The following CPE variants were observed in gnomAD, a reference collection of about 807,000 sequenced individuals.
The protein encoded by CPE is carboxypeptidase E.
Under a neutral mutation model 53.5 loss-of-function variants are expected in CPE, and 17 were observed. The ratio of observed to expected loss-of-function variants is 0.32; its 90% CI spans 0.22 to 0.48. The LOEUF is 0.48. Ranked by LOEUF, CPE falls within the 20% of genes least tolerant of loss-of-function variation. The pLI is 0.99. For missense variants in CPE, 524 were observed against 614.7 expected (o/e 0.85, Z 1.56); for synonymous variants, 226 against 228.8 (o/e 0.99, Z 0.11).
intron 8 of CPE, among the ~76,000 whole-genome samples, chr4:165,497,200 G>A (rs1419058200): frequency 6.6e-6 from 1 of 152,180 alleles, no homozygotes; most frequent in East Asian, 1.9e-4. Context: ...GATTACAGAC[G>A]TGAGCCACCG....
At chr4:165,382,195 T>C (rs1730514646) in intron 1 of CPE, among the ~76,000 whole-genome samples, 1 of 152,078 alleles carries the variant, frequency 6.6e-6, no homozygotes, top group Non-Finnish European at 1.5e-5. Context: ...TATTGAAGAA[T>C]TGATGACAAA....
rs895144839 is a variant in CPE, at chr4:165,452,984, C to CT, written c.308-11396dup. On this transcript the variant is annotated intron_variant, in intron 1 of 8. Transcript: ENST00000402744. Reference sequence around the variant, plus strand: ...TAAGTCAGCACAATTTTCTTTCTTTCTTTTTTTTTTGAGATGGAGTCTCAC... The same window carrying CT: ...TAAGTCAGCACAATTTTCTTTCTTTCTTTTTTTTTTTGAGATGGAGTCTCAC... 1.4e-4 allele frequency among the ~76,000 whole-genome samples: 21 copies of CT among 149,606 alleles called. 1 individual carries two copies. Among genetic ancestry groups the CT allele is most frequent in the South Asian group, 6.4e-4 (3 of 4,710 alleles).
chr4:165,391,470 T>C (rs1477387428), intron 1 of CPE, among the ~76,000 whole-genome samples: 1 of 152,092 alleles, frequency 6.6e-6, no homozygotes, highest in Non-Finnish European at 1.5e-5. Context: ...GAATACTTTA[T>C]TATCAAAAAG....
chr4:165,469,284 C>A (rs1732159120), intron 3 of CPE, among the ~76,000 whole-genome samples: 1 of 152,140 alleles, frequency 6.6e-6, no homozygotes, highest in South Asian at 2.1e-4. Context: ...CTCTATTGTT[C>A]TGGGTATTTC....
intron 1 of CPE, among the ~76,000 whole-genome samples, chr4:165,396,886 CA>C (rs34670477): frequency 0.031 from 3,810 of 124,902 alleles, 160 homozygotes; most frequent in African/African-American, 0.1. Flanking sequence ...CCTGTCGCCA[CA>C]AAAAAAAAAA....
intron 6 of CPE, 139 bp downstream of exon 6, chr4:165,487,716 T>C (rs1319463918): frequency 2.1e-6 from 2 of 959,290 alleles, no homozygotes; most frequent in Non-Finnish European, 3.0e-6. Context: ...GTGTCAGCAG[T>C]GTTTCAGTTA....
chr4:165,424,386 T>C (rs1208729296), intron 1 of CPE, among the ~76,000 whole-genome samples: 1 of 143,008 alleles, frequency 7.0e-6, no homozygotes, highest in African/African-American at 2.6e-5. Flanking sequence ...TTTTTTCTTT[T>C]GATAGGAAAA....
intron 1 of CPE, among the ~76,000 whole-genome samples, chr4:165,443,268 T>C (rs1731645552): frequency 6.6e-6 from 1 of 152,172 alleles, no homozygotes; most frequent in African/African-American, 2.4e-5. Context: ...CTCTGTCTCC[T>C]CTCCTTCTCA....
At chr4:165,434,946 A>T (rs867404052) in intron 1 of CPE, among the ~76,000 whole-genome samples, 6 of 151,770 alleles carry the variant, frequency 4.0e-5, no homozygotes, top group African/African-American at 1.5e-4. Context: ...ACCTGTTGTT[A>T]AAAAAAAGCC....
chr4:165,485,149 C>T (rs1366759291), intron 5 of CPE, among the ~76,000 whole-genome samples: 1 of 152,106 alleles, frequency 6.6e-6, no homozygotes, highest in Non-Finnish European at 1.5e-5. Context: ...AAGCAGTTGC[C>T]ATGTGGGACA....
In CPE at chr4:165,463,226, C is replaced by A. The variant is rs547409428; in HGVS notation, c.308-1164C>A. Among the ~76,000 whole-genome samples the A allele has an allele frequency of 4.6e-5, 7 of 152,216 alleles. No individual in the cohort carries two copies. The East Asian group carries it at 1.4e-3, about 29-fold the overall frequency. On this transcript the variant is annotated intron_variant, in intron 1 of 8. Coordinates refer to ENST00000402744, the MANE Select transcript of CPE (RefSeq NM_001873.4). ...GGATAATAAAAATACATGCCTTACACATTTTAGTGGGCTGTTGTGAAGAGA... is the reference window on the plus strand; with the variant it reads ...GGATAATAAAAATACATGCCTTACAAATTTTAGTGGGCTGTTGTGAAGAGA...
intron 1 of CPE, among the ~76,000 whole-genome samples, chr4:165,390,282 A>G (rs1477481464): frequency 6.6e-6 from 1 of 152,116 alleles, no homozygotes; most frequent in Non-Finnish European, 1.5e-5. Context: ...GGTGTTTTCT[A>G]TATTGAGCCC....
chr4:165,477,893 T>C (rs1732331646), intron 3 of CPE, among the ~76,000 whole-genome samples: 1 of 152,118 alleles, frequency 6.6e-6, no homozygotes, highest in South Asian at 2.1e-4. Context: ...CTCTCCTTGT[T>C]CTTCTGAACT....
intron 3 of CPE, among the ~76,000 whole-genome samples, chr4:165,473,398 G>A (rs908287934): frequency 1.4e-4 from 21 of 152,312 alleles, no homozygotes; most frequent in Middle Eastern, 3.4e-3. Flanking sequence ...AGGAAGTTAA[G>A]GTTTGTACTG....
At chr4:165,385,608 G>A (rs896910401) in intron 1 of CPE, among the ~76,000 whole-genome samples, 1 of 151,642 alleles carries the variant, frequency 6.6e-6, no homozygotes, top group Admixed American at 6.6e-5. Flanking sequence ...CACCCTGCCT[G>A]TTTGCCTTTT....
At chr4:165,442,023 G>GTTTTTTTTTTTTTTTTT (rs11415472) in intron 1 of CPE, among the ~76,000 whole-genome samples, 14 of 107,462 alleles carry the variant, frequency 1.3e-4, no homozygotes, top group Non-Finnish European at 2.0e-4. Flanking sequence ...CGGTGAGTTT[G>GTTTTTTTTTTTTTTTTT]TTTTTTTTTT....
intron 1 of CPE, chr4:165,405,264 G>C (rs1730934664): frequency 1.1e-6 from 1 of 928,194 alleles, no homozygotes; most frequent in Admixed American, 1.7e-5. Flanking sequence ...CCTGCACCAG[G>C]AATAGCCAGA....
chr4:165,386,222 A>G (rs1730589321), intron 1 of CPE: 1 of 521,322 alleles, frequency 1.9e-6, no homozygotes, highest in Non-Finnish European at 3.9e-6. Flanking sequence ...TCATTATGGT[A>G]TTTCCCACTG....
rs141823562 is a variant in CPE at position 165,440,973 on chromosome 4, A to T, written c.308-23417A>T. Among the ~76,000 whole-genome samples the T allele has an allele frequency of 5.0e-3, 769 of 152,294 alleles. 7 individuals carry two copies. The highest frequency in any genetic ancestry group is 0.017 in the African/African-American group (721 of 41,568). The stretch of plus-strand genomic sequence containing the variant: ...AAAGTATAAAAACGCTATTGCATCA[A>T]TGGAAATGCAGATGTCACTGGGTGG... On this transcript the variant is annotated intron_variant, in intron 1 of 8. Coordinates refer to ENST00000402744, the MANE Select transcript of CPE (RefSeq NM_001873.4).
Sources: allele counts gnomAD v4.1 joint callset (sites outside exome capture counted in the v4.1 genomes callset), GRCh38; gene constraint gnomAD v4.1.1; transcripts MANE v1.5; gene names NCBI Gene and HGNC (gene_info 2026-07-23, HGNC 2026-07-21).